TMEM132C: variants seen among roughly 807,000 people sequenced by gnomAD.
The protein encoded by TMEM132C is transmembrane protein 132C.
A neutral mutation model predicts 61.4 loss-of-function variants in TMEM132C; 29 were observed. The ratio of observed to expected loss-of-function variants is 0.47; its 90% CI spans 0.35 to 0.64. TMEM132C has a LOEUF of 0.64. TMEM132C is among the 30% of genes least tolerant of loss of function. The pLI, the probability that TMEM132C is intolerant of heterozygous loss-of-function variation, is 0.00. For synonymous variants in TMEM132C, 656 were observed against 633.1 expected, an observed-to-expected ratio of 1.04 and a Z score of -0.54; for missense variants, 1,408 against 1,476.9, an observed-to-expected ratio of 0.95 and a Z score of 0.76.
intron 2 of TMEM132C, among the ~76,000 whole-genome samples, chr12:128,484,567 A>G (rs1871423083): frequency 6.6e-6 from 1 of 152,068 alleles, no homozygotes; most frequent in Non-Finnish European, 1.5e-5. Flanking sequence ...CTAGTGGGAG[A>G]TAGAATGGCC....
chr12:128,497,649 C>T (rs1441456297), intron 2 of TMEM132C, among the ~76,000 whole-genome samples: 1 of 152,212 alleles, frequency 6.6e-6, no homozygotes, highest in Non-Finnish European at 1.5e-5. Context: ...GATATAATCT[C>T]CTGGTGTGCC....
At chr12:128,564,894 C>G (rs1874645107) in intron 3 of TMEM132C, among the ~76,000 whole-genome samples, 1 of 152,146 alleles carries the variant, frequency 6.6e-6, no homozygotes, top group Non-Finnish European at 1.5e-5. Flanking sequence ...GTAGTCATGC[C>G]TTTAAACAAT....
At chr12:128,411,847 T>C (rs192318094) in intron 1 of TMEM132C, among the ~76,000 whole-genome samples, 1 of 152,204 alleles carries the variant, frequency 6.6e-6, no homozygotes, top group Admixed American at 6.5e-5. Flanking sequence ...CCAATCCCAT[T>C]CTAACCCACT....
chr12:128,279,015 A>C (rs1460732374), intron 1 of TMEM132C, among the ~76,000 whole-genome samples: 1 of 151,888 alleles, frequency 6.6e-6, no homozygotes, highest in Non-Finnish European at 1.5e-5. Context: ...GACTTGCCAG[A>C]CTCCATAATT....
intron 3 of TMEM132C, among the ~76,000 whole-genome samples, chr12:128,578,067 G>GA (rs1167197795): frequency 1.3e-5 from 2 of 152,158 alleles, no homozygotes; most frequent in Non-Finnish European, 1.5e-5. Flanking sequence ...TACCGAGTAT[G>GA]AAAAAACTGT....
chr12:128,334,200 A>G (rs1377997646), intron 1 of TMEM132C, among the ~76,000 whole-genome samples: 1 of 152,244 alleles, frequency 6.6e-6, no homozygotes, highest in Non-Finnish European at 1.5e-5. Flanking sequence ...CATTCAGCTC[A>G]GATGACCTGG....
chr12:128,401,082 A>G (rs1875143207), intron 1 of TMEM132C, among the ~76,000 whole-genome samples: 1 of 152,242 alleles, frequency 6.6e-6, no homozygotes, highest in Non-Finnish European at 1.5e-5. Flanking sequence ...ATGGCAAACT[A>G]CAGACCATGG....
At chr12:128,352,826 G>A (rs113394176) in intron 1 of TMEM132C, among the ~76,000 whole-genome samples, 35 of 152,294 alleles carry the variant, frequency 2.3e-4, no homozygotes, top group African/African-American at 8.4e-4. Context: ...AGGAAGCCAG[G>A]GCCAGGGCAA....
At position 128,652,905 on chromosome 12, in the gene TMEM132C, C is replaced by G. The variant is rs1009220665; in HGVS notation, c.1306-16512C>G. Among the ~76,000 whole-genome samples, 23 of 152,190 alleles carry G rather than the reference C, an allele frequency of 1.5e-4. 1 individual carries two copies. Among genetic ancestry groups the G allele is most frequent in the African/African-American group, 5.3e-4 (22 of 41,438 alleles). ...GTAATTACCTACTTTTAAAAAGGACCTGTCATAATGCACTCCTAGGTGTAA... is the reference window on the plus strand; with the variant it reads ...GTAATTACCTACTTTTAAAAAGGACGTGTCATAATGCACTCCTAGGTGTAA... On this transcript the variant is annotated intron_variant, in intron 4 of 8. Transcript: ENST00000435159.
intron 1 of TMEM132C, among the ~76,000 whole-genome samples, chr12:128,340,888 T>C (rs1471600966): frequency 1.3e-4 from 18 of 143,458 alleles, no homozygotes; most frequent in African/African-American, 4.8e-4. Context: ...TTTTTTCTTT[T>C]TCTTTCTTTC....
At chr12:128,687,457 G>A (rs1406893643) in intron 5 of TMEM132C, among the ~76,000 whole-genome samples, 1 of 152,146 alleles carries the variant, frequency 6.6e-6, no homozygotes, top group Non-Finnish European at 1.5e-5. Context: ...GCCCCCTGGG[G>A]GACAAAATTG....
chr12:128,705,711 C>T lies in TMEM132C; in HGVS notation c.2743C>T (p.Gln915Ter). 1 of 1,551,456 alleles carries T rather than the reference C, an allele frequency of 6.4e-7. No homozygotes were observed. Among genetic ancestry groups the T allele is most frequent in the Non-Finnish European group, 8.7e-7 (1 of 1,146,956 alleles). The part of the protein sequence containing the change: ...GSGLEENDLV[Q>*]TPRGLSDLEI... ...TGGGCTGGAGGAAAACGACCTGGTG[C>T]AGACTCCGCGGGGCCTGAGTGATCT... The change falls in exon 9 of 9, where the codon CAG (glutamine) becomes TAG (stop). Residue 915 changes from glutamine (Q) to a stop codon, truncating the protein, a stop_gained. Coordinates refer to ENST00000435159, the MANE Select transcript of TMEM132C (RefSeq NM_001136103.3). LOFTEE classifies it low-confidence loss of function (END_TRUNC).
chr12:128,487,387 G>A (rs1200227859), intron 2 of TMEM132C, among the ~76,000 whole-genome samples: 2 of 152,012 alleles, frequency 1.3e-5, no homozygotes, highest in Non-Finnish European at 2.9e-5. Flanking sequence ...ACCATTCTTA[G>A]CAATTTTACA....
chr12:128,629,184 G>T (rs190182637), intron 4 of TMEM132C, among the ~76,000 whole-genome samples: 34 of 152,032 alleles, frequency 2.2e-4, no homozygotes, highest in African/African-American at 7.2e-4. Flanking sequence ...AGTTCTATAC[G>T]TGGCCCTTTG....
intron 4 of TMEM132C, among the ~76,000 whole-genome samples, chr12:128,635,194 A>G (rs1281249882): frequency 6.6e-6 from 1 of 152,228 alleles, no homozygotes; most frequent in African/African-American, 2.4e-5. Context: ...CTAAACAGCA[A>G]ACTTGCTAAG....
chr12:128,449,597 G>A (rs1001809549), intron 2 of TMEM132C, among the ~76,000 whole-genome samples: 4 of 152,330 alleles, frequency 2.6e-5, no homozygotes, highest in South Asian at 2.1e-4. Flanking sequence ...CCATTATGAA[G>A]GATGTCATGA....
chr12:128,672,486 C>T (rs1184147572), intron 5 of TMEM132C, among the ~76,000 whole-genome samples: 4 of 152,118 alleles, frequency 2.6e-5, no homozygotes, highest in Non-Finnish European at 5.9e-5. Flanking sequence ...ACAGGAAGTC[C>T]ATTACTAATA....
intron 3 of TMEM132C, among the ~76,000 whole-genome samples, chr12:128,554,533 A>G (rs542542199): frequency 1.3e-5 from 2 of 152,246 alleles, no homozygotes; most frequent in Non-Finnish European, 2.9e-5. Flanking sequence ...AAAATTGTTC[A>G]TCAGGAAGTA....
intron 5 of TMEM132C, among the ~76,000 whole-genome samples, chr12:128,687,809 T>G (rs2135646611): frequency 6.6e-6 from 1 of 152,234 alleles, no homozygotes; most frequent in South Asian, 2.1e-4. Flanking sequence ...GCCCCTGGGC[T>G]GCAAGGACTC....
Sources: allele counts gnomAD v4.1 joint callset (sites outside exome capture counted in the v4.1 genomes callset), GRCh38; gene constraint gnomAD v4.1.1; transcripts MANE v1.5; gene names NCBI Gene and HGNC (gene_info 2026-07-23, HGNC 2026-07-21).